The following ATXN3 variants were observed in gnomAD, a reference collection of about 807,000 sequenced individuals.
ATXN3 encodes the protein ataxin-3.
ATXN3 carries 28 observed loss-of-function variants against 58.2 expected under a neutral mutation model. The observed-to-expected ratio is 0.48, with a 90% confidence interval of 0.36 to 0.66. The LOEUF (loss-of-function observed/expected upper bound fraction) is 0.66, where lower values mean the gene tolerates loss of function less well. Ranked by LOEUF, ATXN3 falls within the 30% of genes least tolerant of loss-of-function variation. The probability of loss-of-function intolerance (pLI) is 0.00; values close to 1 mark genes in which losing one functional copy is unlikely to be tolerated. For missense variants in ATXN3, 321 were observed against 422.1 expected (o/e 0.76, Z 2.10); for synonymous variants, 113 against 138.5 (o/e 0.82, Z 1.29).
chr14:92,080,727 G>T, intron 9 of ATXN3: 1 of 460,682 alleles, frequency 2.2e-6, no homozygotes, highest in Non-Finnish European at 4.2e-6. Flanking sequence ...GTAGAGATGG[G>T]GTTTCACTGT....
chr14:92,089,295 A>AGGTGTG (rs2063244525), intron 5 of ATXN3, among the ~76,000 whole-genome samples: 1 of 149,796 alleles, frequency 6.7e-6, no homozygotes, highest in African/African-American at 2.5e-5. Context: ...CTGGGATTAC[A>AGGTGTG]AACATGAGCC....
chr14:92,092,175 A>G (rs947692638), intron 5 of ATXN3, among the ~76,000 whole-genome samples: 2 of 152,134 alleles, frequency 1.3e-5, no homozygotes, highest in African/African-American at 4.8e-5. Flanking sequence ...ATCACTACAG[A>G]TGAATCTGCA....
intron 1 of ATXN3, among the ~76,000 whole-genome samples, chr14:92,098,480 A>G (rs1300036409): frequency 1.3e-5 from 2 of 152,132 alleles, no homozygotes; most frequent in East Asian, 1.9e-4. Flanking sequence ...CTAGCTAATC[A>G]GGACACTGAG....
intron 5 of ATXN3, among the ~76,000 whole-genome samples, chr14:92,092,764 CAAG>C (rs2064135157): frequency 6.6e-6 from 1 of 151,160 alleles, no homozygotes; most frequent in Non-Finnish European, 1.5e-5. Flanking sequence ...TTCTATCTAT[CAAG>C]AAGGATAAAC....
Position 92,101,555 on chromosome 14 carries a change from G to A in ATXN3, c.25-4717C>T, listed in dbSNP as rs113915119. On this transcript the variant is annotated intron_variant, in intron 1 of 10. Transcript: ENST00000644486. ...CACTTTGCCATAATCAAAGTTCAGC[G>A]GTATTGAAATCTCATGATTTGGCTG... Among the ~76,000 whole-genome samples the A allele has an allele frequency of 4.6e-3, 704 of 152,222 alleles. 2 individuals are homozygous for A. Among genetic ancestry groups the A allele is most frequent in the South Asian group, 0.018 (85 of 4,822 alleles).
downstream of ATXN3, among the ~76,000 whole-genome samples, chr14:92,056,631 C>T (rs979365526): frequency 2.0e-5 from 3 of 152,174 alleles, no homozygotes; most frequent in South Asian, 2.1e-4. Flanking sequence ...GCCATACTGA[C>T]TGACTGAGCT....
At chr14:92,053,655 C>T (rs981972812), downstream of ATXN3, among the ~76,000 whole-genome samples, 2 of 151,906 alleles carry the variant, frequency 1.3e-5, no homozygotes, top group Admixed American at 6.6e-5. Flanking sequence ...TGCCACCATA[C>T]CCAACTAATT....
At chr14:92,049,359 A>C (rs1235286344) in intron 1 of ATXN3, among the ~76,000 whole-genome samples, 4 of 152,208 alleles carry the variant, frequency 2.6e-5, no homozygotes, top group Admixed American at 2.0e-4. Flanking sequence ...CCCCACGGTG[A>C]TCAGACACCA....
At chr14:92,105,098 G>A (rs1004154468) in intron 1 of ATXN3, among the ~76,000 whole-genome samples, 3 of 151,956 alleles carry the variant, frequency 2.0e-5, no homozygotes, top group Non-Finnish European at 2.9e-5. Context: ...AAAAGTTTCC[G>A]AGATGTTTTC....
At chr14:92,079,900 G>A (rs1028852896) in intron 9 of ATXN3, among the ~76,000 whole-genome samples, 1 of 152,038 alleles carries the variant, frequency 6.6e-6, no homozygotes, top group Non-Finnish European at 1.5e-5. Context: ...ACCATGCCCG[G>A]CTAATTTTTG....
chr14:92,097,787 A>G (rs971459227), intron 1 of ATXN3, among the ~76,000 whole-genome samples: 38 of 152,184 alleles, frequency 2.5e-4, no homozygotes, highest in African/African-American at 8.7e-4. Context: ...GGCCTCCCTA[A>G]GTTCTGGGAT....
At chr14:92,047,385 AG>A (rs1399108733) in intron 2 of ATXN3, among the ~76,000 whole-genome samples, 5 of 152,254 alleles carry the variant, frequency 3.3e-5, no homozygotes, top group Admixed American at 3.3e-4. Context: ...TATAGGTTTT[AG>A]AAGCCCATGC....
Position 92,082,372 on chromosome 14 carries a change from G to A in ATXN3, c.703C>T (p.Leu235=). ...DEEDLQRALA[L]SRQEIDMEDE... is the part of the protein sequence containing the mutation. ...TCCATGTCAATTTCTTGGCGACTTA[G>A]TGCCAGAGCCCTCTGCAAATCCTCC... Residue 235 remains leucine (L), a synonymous_variant, in exon 8 of 11, where the codon CTA becomes TTA. Transcript: ENST00000644486. 3 of 1,614,126 alleles carry A rather than the reference G, an allele frequency of 1.9e-6. No homozygotes were observed. The highest frequency in any genetic ancestry group is 2.5e-6 in the Non-Finnish European group (3 of 1,180,020).
chr14:92,068,424 C>A (rs2058821023), intron 10 of ATXN3, among the ~76,000 whole-genome samples: 1 of 152,092 alleles, frequency 6.6e-6, no homozygotes, highest in Admixed American at 6.6e-5. Context: ...AGAGAGCAGG[C>A]TTTTCATGGG....
chr14:92,094,358 C>T (rs1184484992), intron 3 of ATXN3, among the ~76,000 whole-genome samples: 7 of 152,166 alleles, frequency 4.6e-5, no homozygotes, highest in Non-Finnish European at 1.0e-4. Context: ...CAGAAAACCA[C>T]ACAATTCCTA....
At chr14:92,052,460 G>C (rs552090051), upstream of ATXN3, among the ~76,000 whole-genome samples, 11 of 151,818 alleles carry the variant, frequency 7.2e-5, no homozygotes, top group East Asian at 2.1e-3. Flanking sequence ...TTGCACTCCA[G>C]CCTGGGCAAC....
At chr14:92,072,694 T>TAAAAAAAAAAAAAAA (rs33967699) in intron 9 of ATXN3, among the ~76,000 whole-genome samples, 1 of 90,992 alleles carries the variant, frequency 1.1e-5, no homozygotes, top group Non-Finnish European at 2.1e-5. Flanking sequence ...AGCTATAGGT[T>TAAAAAAAAAAAAAAA]AAAAAAAAAA....
upstream of ATXN3, among the ~76,000 whole-genome samples, chr14:92,053,471 T>C (rs868207063): frequency 3.3e-5 from 5 of 149,558 alleles, no homozygotes; most frequent in Non-Finnish European, 5.9e-5. Context: ...TTTTCTGCTC[T>C]CCTTTTTTTT....
At position 92,106,511 on chromosome 14, in the gene ATXN3, C is replaced by T. The variant is rs200757726; in HGVS notation, c.24+18G>A. 6.2e-7 allele frequency: 1 copy of T among 1,613,428 alleles called. No homozygotes were observed. On this transcript the variant is annotated intron_variant, in intron 1 of 10. Transcript: ENST00000644486. ...CCACCGCGCGGCAGACAGCTCCCCA[C>T]CGAACGCGGACACTCACTTTCTCGT...
Sources: gnomAD v4.1 joint callset for allele counts (sites outside exome capture counted in the v4.1 genomes callset) on GRCh38, gnomAD v4.1.1 for gene constraint, MANE v1.5 for transcripts, NCBI Gene and HGNC (gene_info 2026-07-23, HGNC 2026-07-21) for gene names.